THSD7B: variants seen among roughly 807,000 people sequenced by gnomAD.
THSD7B encodes thrombospondin type-1 domain-containing protein 7B.
A neutral mutation model predicts 213.6 loss-of-function variants in THSD7B; 138 were observed. The ratio of observed to expected loss-of-function variants is 0.65; its 90% CI spans 0.56 to 0.74. THSD7B has a LOEUF of 0.74. Among genes scored for constraint, THSD7B ranks in the 30% least tolerant of loss-of-function variants. THSD7B has a pLI of 0.00. For synonymous variants in THSD7B, 742 were observed against 687.0 expected, an observed-to-expected ratio of 1.08 and a Z score of -1.25; for missense variants, 1,931 against 1,991.5, an observed-to-expected ratio of 0.97 and a Z score of 0.58.
At chr2:137,603,765 A>G (rs1682118665) in intron 17 of THSD7B, among the ~76,000 whole-genome samples, 1 of 152,210 alleles carries the variant, frequency 6.6e-6, no homozygotes, top group African/African-American at 2.4e-5. Context: ...TTAGAATATC[A>G]AATATAATTT....
chr2:137,290,493 C>T (rs1273689606), intron 12 of THSD7B, among the ~76,000 whole-genome samples: 1 of 152,058 alleles, frequency 6.6e-6, no homozygotes, highest in African/African-American at 2.4e-5. Flanking sequence ...TCGCTGAGCC[C>T]CGCTTCTCTT....
chr2:136,926,871 C>T (rs1214633855), intron 2 of THSD7B, among the ~76,000 whole-genome samples: 1 of 151,434 alleles, frequency 6.6e-6, no homozygotes, highest in Non-Finnish European at 1.5e-5. Flanking sequence ...CCCTTTCCCT[C>T]AAGTGTTCTA....
At chr2:137,127,575 T>C (rs970846899) in intron 5 of THSD7B, among the ~76,000 whole-genome samples, 2 of 152,194 alleles carry the variant, frequency 1.3e-5, no homozygotes, top group Admixed American at 6.5e-5. Flanking sequence ...GATTTGGGCT[T>C]CAATTTGTTA....
In THSD7B at chr2:137,615,710, A is replaced by G. The variant is rs555176469; in HGVS notation, c.3424-465A>G. On this transcript the variant is annotated intron_variant, in intron 17 of 27. Coordinates refer to ENST00000409968, the MANE Select transcript of THSD7B (RefSeq NM_001316349.2). ...ATGTTGATTTTATAATTCCTTTTCT[A>G]TATCTCTGTGTTCTAGTGTTTAAAA... 2.6e-5 allele frequency among the ~76,000 whole-genome samples: 4 copies of G among 152,250 alleles called. No individual in the cohort carries two copies. The South Asian group carries it at 8.3e-4, about 32-fold the overall frequency.
At chr2:136,963,327 A>G (rs575445161) in intron 2 of THSD7B, among the ~76,000 whole-genome samples, 1 of 152,288 alleles carries the variant, frequency 6.6e-6, no homozygotes, top group South Asian at 2.1e-4. Flanking sequence ...TAAGAAATGA[A>G]AAAGAATATA....
chr2:137,102,735 A>T (rs941714406), intron 4 of THSD7B, among the ~76,000 whole-genome samples: 1 of 152,230 alleles, frequency 6.6e-6, no homozygotes, highest in Non-Finnish European at 1.5e-5. Flanking sequence ...GAACTTCATG[A>T]AGCATACACA....
intron 20 of THSD7B, among the ~76,000 whole-genome samples, chr2:137,641,808 G>A (rs1419627894): frequency 6.6e-6 from 1 of 152,034 alleles, no homozygotes; most frequent in Non-Finnish European, 1.5e-5. Flanking sequence ...TAAACATCTT[G>A]GTTGCTTCAT....
chr2:136,984,661 GA>G (rs1206604657), intron 2 of THSD7B, among the ~76,000 whole-genome samples: 2 of 152,190 alleles, frequency 1.3e-5, no homozygotes, highest in Admixed American at 6.5e-5. Context: ...GCCTAATAGA[GA>G]AAATTAGTAC....
chr2:137,667,932 T>A, intron 27 of THSD7B, 71 bp downstream of exon 27: 3 of 1,281,120 alleles, frequency 2.3e-6, no homozygotes. Flanking sequence ...AAAACAAGTA[T>A]CTCAGGATCA....
At chr2:137,286,113 A>AG (rs1346207998) in intron 12 of THSD7B, among the ~76,000 whole-genome samples, 9 of 151,674 alleles carry the variant, frequency 5.9e-5, no homozygotes, top group South Asian at 2.1e-4. Context: ...AAAAAAAAAA[A>AG]GATTTATATC....
intron 1 of THSD7B, among the ~76,000 whole-genome samples, chr2:136,857,530 T>C (rs1370490025): frequency 6.6e-6 from 1 of 152,236 alleles, no homozygotes; most frequent in East Asian, 1.9e-4. Context: ...TTTGGATCTA[T>C]CTTATTCAAT....
chr2:137,675,088 C>CTAGA (rs1683666357), intron 27 of THSD7B, among the ~76,000 whole-genome samples: 1 of 151,948 alleles, frequency 6.6e-6, no homozygotes, highest in African/African-American at 2.4e-5. Context: ...ACACAATAGA[C>CTAGA]CAGATACAGC....
At chr2:136,862,069 C>T (rs1260205112) in intron 1 of THSD7B, among the ~76,000 whole-genome samples, 3 of 152,124 alleles carry the variant, frequency 2.0e-5, no homozygotes, top group Admixed American at 1.3e-4. Context: ...GGTGAGTGAT[C>T]GAGAAAGTGT....
intron 10 of THSD7B, among the ~76,000 whole-genome samples, chr2:137,245,575 C>T (rs1467980296): frequency 6.6e-6 from 1 of 152,162 alleles, no homozygotes; most frequent in Non-Finnish European, 1.5e-5. Context: ...GATTATCCCA[C>T]AGCATCCTAT....
Position 137,170,988 on chromosome 2 carries a change from A to C in THSD7B, c.1723+50A>C, listed in dbSNP as rs150108529. ...GTGTTAGGATGTTAAGTATCAGCCA[A>C]ATAACACATGACCACCCTTCAATAG... On this transcript the variant is annotated intron_variant, in intron 7 of 27. Transcript: ENST00000409968. 1,950 of 1,576,578 alleles carry C rather than the reference A, an allele frequency of 1.2e-3. 9 individuals carry two copies. The African/African-American group carries it at 0.014, about 12-fold the overall frequency.
At chr2:137,094,759 C>A in intron 3 of THSD7B, 114 bp from the exon 4 acceptor site, 1 of 1,340,672 alleles carries the variant, frequency 7.5e-7, no homozygotes, top group Admixed American at 2.3e-5. Flanking sequence ...AAAAATCTTC[C>A]TATTAAACGC....
chr2:137,498,778 A>C (rs1679633446), intron 15 of THSD7B, among the ~76,000 whole-genome samples: 1 of 152,128 alleles, frequency 6.6e-6, no homozygotes, highest in Non-Finnish European at 1.5e-5. Flanking sequence ...TATTGTGACA[A>C]CATTATCTTC....
At chr2:137,389,263 C>T (rs903278913) in intron 12 of THSD7B, among the ~76,000 whole-genome samples, 1 of 143,448 alleles carries the variant, frequency 7.0e-6, no homozygotes, top group Admixed American at 7.0e-5. Flanking sequence ...TTCTAACTAG[C>T]ATAAGATGAT....
In THSD7B at chr2:137,080,779, G is replaced by A. The variant is rs747573117; in HGVS notation, c.951-14094G>A. On this transcript the variant is annotated intron_variant, in intron 3 of 27. Transcript: ENST00000409968. Reference sequence around the variant, plus strand: ...CTTTTTCATAGCATGAAATATTTACGTTATTCTTCTAGTCCTGACCCCATT... The same window carrying A: ...CTTTTTCATAGCATGAAATATTTACATTATTCTTCTAGTCCTGACCCCATT... Among the ~76,000 whole-genome samples the A allele has an allele frequency of 1.3e-4, 20 of 151,374 alleles. 1 individual carries two copies. Among genetic ancestry groups the A allele is most frequent in the South Asian group, 1.0e-3 (5 of 4,802 alleles).
Sources: gnomAD v4.1 joint callset for allele counts (sites outside exome capture counted in the v4.1 genomes callset) on GRCh38, gnomAD v4.1.1 for gene constraint, MANE v1.5 for transcripts, NCBI Gene and HGNC (gene_info 2026-07-23, HGNC 2026-07-21) for gene names.